Variants in SPTA1 observed in about 807,000 individuals in gnomAD.
SPTA1 encodes the protein spectrin alpha, erythrocytic 1.
SPTA1 carries 177 observed loss-of-function variants against 324.7 expected under a neutral mutation model. The observed-to-expected ratio is 0.55, with a 90% confidence interval of 0.48 to 0.62. The LOEUF is 0.62. Ranked by LOEUF, SPTA1 falls within the 20% of genes least tolerant of loss-of-function variation. The pLI, the probability that SPTA1 is intolerant of heterozygous loss-of-function variation, is 0.00. For synonymous variants in SPTA1, 1,195 were observed against 1,041.3 expected (o/e 1.15, Z -2.84); for missense variants, 3,162 against 2,883.6 (o/e 1.10, Z -2.21).
At chr1:158,649,569 G>A (rs533279783) in intron 25 of SPTA1, among the ~76,000 whole-genome samples, 2 of 152,286 alleles carry the variant, frequency 1.3e-5, no homozygotes, top group East Asian at 1.9e-4. Context: ...TTACAGCTGT[G>A]AGCCACTGCC....
rs778983026 is a variant in SPTA1 at position 158,645,592 on chromosome 1, T to A, written c.3899A>T (p.Asp1300Val). The A allele has an allele frequency of 1.9e-5, 31 of 1,613,844 alleles. No individual in the cohort carries two copies. Among genetic ancestry groups the A allele is most frequent in the Non-Finnish European group, 2.5e-5 (29 of 1,179,912 alleles). ...KFYLFLSKAR[D>V]LQNWISSIGG... is the part of the protein sequence containing the mutation. ...AATGCTACTGATCCAGTTCTGCAGA[T>A]CCCTAGATAAACAGACACATTGGAA... The change falls in exon 28 of 52, where the codon GAT becomes GTT. Residue 1300 changes from aspartate (D) to valine (V), a missense_variant and splice_region_variant. Transcript: ENST00000643759.
At position 158,681,614 on chromosome 1, in the gene SPTA1, C is replaced by T. The variant is rs557685746; in HGVS notation, c.444G>A (p.Leu148=). 1.1e-4 allele frequency: 183 copies of T among 1,613,688 alleles called. No homozygotes were observed. The highest frequency in any genetic ancestry group is 1.5e-4 in the Non-Finnish European group (176 of 1,179,808). Residue 148 remains leucine, a synonymous_variant, in exon 4 of 52, where the codon CTG becomes CTA. Coordinates refer to ENST00000643759, the MANE Select transcript of SPTA1 (RefSeq NM_003126.4). ...HLWDLLLELT[L]EKGDQLLRAL... ...CCCGCAGCAACTGGTCACCCTTCTC[C>T]AGGGTCAGCTCTAACAGCAGGTCCC...
At position 158,643,270 on chromosome 1, in the gene SPTA1, G is replaced by T. The variant is rs999811561; in HGVS notation, c.4442+52C>A. 2.5e-6 allele frequency: 4 copies of T among 1,592,070 alleles called. No homozygotes were observed. In the Admixed American group the frequency reaches 5.0e-5, roughly 20 times the overall value. On this transcript the variant is annotated intron_variant, in intron 31 of 51. Transcript: ENST00000643759. ...CCCCCATCTCAATGCTAGCAAAAAG[G>T]TCAGTTTGCTATATCTTCCTTTGGC...
At chr1:158,638,321 G>A in intron 35 of SPTA1, 80 bp from the exon 36 acceptor site, 2 of 1,409,202 alleles carry the variant, frequency 1.4e-6, no homozygotes, top group Non-Finnish European at 2.0e-6. Flanking sequence ...AGCTGGTCTG[G>A]CTCAAAGACT....
chr1:158,686,472 T>C (rs377305913), intron 1 of SPTA1, 22 bp downstream of exon 1: 26 of 1,504,318 alleles, frequency 1.7e-5, no homozygotes, highest in Non-Finnish European at 2.2e-5. Flanking sequence ...ACAAATTGCA[T>C]GGAAGAGAAA....
intron 20 of SPTA1, 22 bp from the exon 21 acceptor site, chr1:158,654,770 G>T: frequency 6.2e-7 from 1 of 1,612,432 alleles, no homozygotes; most frequent in Non-Finnish European, 8.5e-7. Flanking sequence ...CAGGAAGCAG[G>T]TGTCAGTCAC....
chr1:158,651,880 GCT>G (rs60287443), intron 23 of SPTA1, among the ~76,000 whole-genome samples: 9,961 of 147,446 alleles, frequency 0.068, 632 homozygotes, highest in African/African-American at 0.17. Flanking sequence ...TCTAGGGAGT[GCT>G]CTCTCTCTCT....
In SPTA1 at chr1:158,681,634, G is replaced by C. The variant is rs772331821; in HGVS notation, c.424C>G (p.Leu142Val). The change falls in exon 4 of 52, where the codon CTG (leucine) becomes GTG (valine). Residue 142 changes from leucine to valine, a missense_variant. Coordinates refer to ENST00000643759, the MANE Select transcript of SPTA1 (RefSeq NM_003126.4). ...TTCTCCAGGGTCAGCTCTAACAGCAGGTCCCACAGGTGGCGTAGCTCCTCT... is the reference window on the plus strand; with the variant it reads ...TTCTCCAGGGTCAGCTCTAACAGCACGTCCCACAGGTGGCGTAGCTCCTCT... ...HIEELRHLWD[L>V]LLELTLEKGD... The C allele has an allele frequency of 2.5e-6, 4 of 1,613,752 alleles. No homozygotes were observed. In the Admixed American group the frequency reaches 6.7e-5, roughly 27 times the overall value.
chr1:158,617,613 T>C, intron 46 of SPTA1, 25 bp from the exon 47 acceptor site: 11 of 1,592,400 alleles, frequency 6.9e-6, no homozygotes, highest in Non-Finnish European at 9.5e-6. Flanking sequence ...AAGGAAATCA[T>C]TATGCATCAC....
At chr1:158,636,801 C>G in intron 36 of SPTA1, 40 bp from the exon 37 acceptor site, 1 of 1,612,298 alleles carries the variant, frequency 6.2e-7, no homozygotes, top group Non-Finnish European at 8.5e-7. Flanking sequence ...GGAGTCTAGA[C>G]ATCTAATGTC....
chr1:158,627,794 C>A, intron 39 of SPTA1, 71 bp from the exon 40 acceptor site: 1 of 1,444,210 alleles, frequency 6.9e-7, no homozygotes, highest in Non-Finnish European at 9.6e-7. Flanking sequence ...TATTCAGACT[C>A]ACGGGTCTAT....
intron 44 of SPTA1, 134 bp downstream of exon 44, chr1:158,620,036 A>C: frequency 8.3e-7 from 1 of 1,211,490 alleles, no homozygotes; most frequent in Non-Finnish European, 1.2e-6. Context: ...TTTCTTAGAC[A>C]GTCATGTTTC....
rs370697955 is a variant in SPTA1 at position 158,669,404 on chromosome 1, C to T, written c.1833+4G>A. ...TACATCCAGCTCCTGAAAACTCTGC[C>T]TACCTTGTAATCTTCATCATCTGCC... On this transcript the variant is annotated splice_donor_region_variant and intron_variant, in intron 14 of 51. Coordinates refer to ENST00000643759, the MANE Select transcript of SPTA1 (RefSeq NM_003126.4). The T allele has an allele frequency of 5.1e-4, 831 of 1,613,960 alleles. No homozygotes were observed. Among genetic ancestry groups the T allele is most frequent in the Non-Finnish European group, 6.3e-4 (747 of 1,179,960 alleles).
rs777941798 is a variant in SPTA1, at chr1:158,645,265, C to A, written c.4117G>T (p.Val1373Phe). 1 of 1,614,066 alleles carries A rather than the reference C, an allele frequency of 6.2e-7. No individual in the cohort carries two copies. The highest frequency in any genetic ancestry group is 1.1e-5 in the South Asian group (1 of 91,080). Residue 1373 changes from valine (V) to phenylalanine (F), a missense_variant, in exon 29 of 52, where the codon GTC becomes TTC. Coordinates refer to ENST00000643759, the MANE Select transcript of SPTA1 (RefSeq NM_003126.4). ...TCCAAATCATCTCTCTCTAGCTTGA[C>A]AGCTTGAAGCTTTTTTTCAATTTCA... ...SPEIEKKLQA[V>F]KLERDDLEKA...
In SPTA1 at chr1:158,642,454, A is replaced by T. The variant is rs202217097; in HGVS notation, c.4694T>A (p.Leu1565Gln). The T allele has an allele frequency of 1.7e-4, 273 of 1,613,708 alleles. No individual in the cohort carries two copies. The African/African-American group carries it at 3.1e-3, about 18-fold the overall frequency. Residue 1565 changes from leucine (L) to glutamine (Q), a missense_variant, in exon 33 of 52, where the codon CTG becomes CAG. Leu to Gln is a moderately radical substitution (Grantham distance 113, BLOSUM62 -2). Coordinates refer to ENST00000643759, the MANE Select transcript of SPTA1 (RefSeq NM_003126.4). ...GCCATCACAAGCGCTACACTCAATC[A>T]GGGAGTTCCCCAGGTTGATGACGCC... is the stretch of plus-strand genomic sequence containing the variant. ...VHGVINLGNS[L>Q]IECSACDGNE... is the part of the protein sequence containing the mutation.
intron 40 of SPTA1, 30 bp from the exon 41 acceptor site, chr1:158,627,037 A>T: frequency 6.2e-7 from 1 of 1,612,824 alleles, no homozygotes; most frequent in Non-Finnish European, 8.5e-7. Flanking sequence ...AAATATATTT[A>T]TAATGTGCAG....
At position 158,615,402 on chromosome 1, in the gene SPTA1, C is replaced by T; in HGVS notation, c.6602G>A (p.Arg2201Lys). ...TLESQLEANKRKQKEIQAMKR... is the reference protein window; with the variant it reads ...TLESQLEANKKKQKEIQAMKR... Reference sequence around the variant, plus strand: ...CATCGCCTGGATCTCCTTCTGTTTTCTCTGGAAAAACGACAGAGAAGAGAG... The same window carrying T: ...CATCGCCTGGATCTCCTTCTGTTTTTTCTGGAAAAACGACAGAGAAGAGAG... The change falls in exon 48 of 52, where the codon AGA (arginine) becomes AAA (lysine). Residue 2201 changes from arginine to lysine, a missense_variant and splice_region_variant. Transcript: ENST00000643759. 6.2e-7 allele frequency: 1 copy of T among 1,613,996 alleles called. No homozygotes were observed. The highest frequency in any genetic ancestry group is 8.5e-7 in the Non-Finnish European group (1 of 1,179,978).
At chr1:158,629,637 G>A (rs773744204) in intron 39 of SPTA1, among the ~76,000 whole-genome samples, 7 of 151,882 alleles carry the variant, frequency 4.6e-5, no homozygotes, top group Non-Finnish European at 7.4e-5. Context: ...AAAGATAATC[G>A]CTCTCACTAT....
At chr1:158,651,229 C>G in intron 24 of SPTA1, 138 bp downstream of exon 24, 1 of 706,060 alleles carries the variant, frequency 1.4e-6, no homozygotes, top group South Asian at 1.6e-5. Context: ...TTGGCCTTTC[C>G]TGTAGCTAAT....
Sources: allele counts gnomAD v4.1 joint callset (sites outside exome capture counted in the v4.1 genomes callset), GRCh38; gene constraint gnomAD v4.1.1; transcripts MANE v1.5; gene names NCBI Gene and HGNC (gene_info 2026-07-23, HGNC 2026-07-21).